Variants in PPP6R3 observed in about 807,000 individuals in gnomAD.
PPP6R3 encodes the protein protein phosphatase 6 regulatory subunit 3.
PPP6R3 carries 38 observed loss-of-function variants against 110.7 expected under a neutral mutation model. The observed-to-expected ratio is 0.34, with a 90% CI of 0.26 to 0.45. The LOEUF is 0.45. Ranked by LOEUF, PPP6R3 falls within the 20% of genes least tolerant of loss-of-function variation. The pLI, the probability that PPP6R3 is intolerant of heterozygous loss-of-function variation, is 1.00. For missense variants in PPP6R3, 870 were observed against 1,062.4 expected (o/e 0.82, Z 2.52); for synonymous variants, 369 against 373.5 (o/e 0.99, Z 0.14).
intron 6 of PPP6R3, among the ~76,000 whole-genome samples, chr11:68,553,456 G>A (rs576322626): frequency 1.3e-5 from 2 of 152,068 alleles, no homozygotes; most frequent in Admixed American, 1.3e-4. Flanking sequence ...ACCACGCCTG[G>A]CTAATTTTGT....
At chr11:68,595,558 A>C (rs540031150) in intron 18 of PPP6R3, among the ~76,000 whole-genome samples, 1 of 152,298 alleles carries the variant, frequency 6.6e-6, no homozygotes, top group East Asian at 1.9e-4. Flanking sequence ...TCAAAATTTA[A>C]AATTTTCACT....
chr11:68,541,338 C>T (rs766008026), intron 3 of PPP6R3, among the ~76,000 whole-genome samples: 17 of 152,128 alleles, frequency 1.1e-4, no homozygotes, highest in Non-Finnish European at 2.2e-4. Context: ...CAGTTGGCTG[C>T]AGTGATCAGC....
At chr11:68,482,745 C>T (rs2098923429) in intron 1 of PPP6R3, among the ~76,000 whole-genome samples, 1 of 151,924 alleles carries the variant, frequency 6.6e-6, no homozygotes, top group Admixed American at 6.6e-5. Context: ...TTCTGATCAC[C>T]TTTTCCAAAT....
intron 1 of PPP6R3, among the ~76,000 whole-genome samples, chr11:68,467,779 T>G (rs76612662): frequency 0.014 from 2,076 of 152,256 alleles, 57 homozygotes; most frequent in African/African-American, 0.047. Context: ...TATTTTCTAT[T>G]TATTTATTTT....
rs957682982 is a variant in PPP6R3 at position 68,519,491 on chromosome 11, T to C, written c.-157-10T>C. ...ATATGTGATTATCTGCTTTTTTTTT[T>C]CTTTTACAGGAGAGCTTGTTTCATA... On this transcript the variant is annotated splice_polypyrimidine_tract_variant and intron_variant, in intron 1 of 23. Transcript: ENST00000393800. The C allele has an allele frequency of 2.5e-6, 1 of 397,720 alleles. No homozygotes were observed. Among genetic ancestry groups the C allele is most frequent in the African/African-American group, 2.1e-5 (1 of 48,620 alleles). 24.6% of individuals were successfully genotyped at this position (397,720 alleles called of 1,614,324 possible).
At chr11:68,482,101 G>A (rs763691522) in intron 1 of PPP6R3, among the ~76,000 whole-genome samples, 13 of 151,600 alleles carry the variant, frequency 8.6e-5, no homozygotes, top group Non-Finnish European at 1.2e-4. Context: ...TATCCCGGCC[G>A]GGTGCAGTGG....
intron 4 of PPP6R3, among the ~76,000 whole-genome samples, chr11:68,545,523 G>T (rs1217253828): frequency 6.6e-6 from 1 of 152,236 alleles, no homozygotes; most frequent in Non-Finnish European, 1.5e-5. Context: ...AGACATCTGA[G>T]TGTATAGACT....
At position 68,482,097 on chromosome 11, in the gene PPP6R3, G is replaced by A. The variant is rs575543650; in HGVS notation, c.-158+21270G>A. ...ATGAGAATCATACTAAAATTATCCC[G>A]GCCGGGTGCAGTGGCTCATGCCTGT... On this transcript the variant is annotated intron_variant, in intron 1 of 23. Transcript: ENST00000393800. 7.9e-5 allele frequency among the ~76,000 whole-genome samples: 12 copies of A among 151,570 alleles called. No homozygotes were observed. In the South Asian group the frequency reaches 1.3e-3, roughly 16 times the overall value.
intron 18 of PPP6R3, among the ~76,000 whole-genome samples, chr11:68,591,982 A>C (rs926811148): frequency 6.6e-6 from 1 of 152,238 alleles, no homozygotes; most frequent in African/African-American, 2.4e-5. Context: ...GTAGTCACAT[A>C]GTGCCTTTTA....
At chr11:68,571,443 C>G (rs1239626354) in intron 12 of PPP6R3, among the ~76,000 whole-genome samples, 1 of 152,146 alleles carries the variant, frequency 6.6e-6, no homozygotes, top group East Asian at 1.9e-4. Flanking sequence ...GTGTATTTGT[C>G]CTGGTCACCT....
intron 14 of PPP6R3, among the ~76,000 whole-genome samples, chr11:68,580,503 G>A (rs750218622): frequency 1.3e-5 from 2 of 152,032 alleles, no homozygotes; most frequent in African/African-American, 4.8e-5. Flanking sequence ...TTGGTGAAGG[G>A]CGATGGGTCT....
chr11:68,548,563 C>T (rs2099358256), intron 5 of PPP6R3, among the ~76,000 whole-genome samples: 1 of 151,978 alleles, frequency 6.6e-6, no homozygotes, highest in African/African-American at 2.4e-5. Context: ...AGCTCTAAGT[C>T]CCATTTGAGT....
Position 68,595,279 on chromosome 11 carries a change from G to C in PPP6R3, c.1917-818G>C, listed in dbSNP as rs145488059. The stretch of plus-strand genomic sequence containing the variant: ...TGTCCAGGCTGGAGTGCAGTGGCGT[G>C]ATCTCAGCTCACTGCAGCCTCTGCC... On this transcript the variant is annotated intron_variant, in intron 18 of 23. Transcript: ENST00000393800. 8.6e-3 allele frequency among the ~76,000 whole-genome samples: 1,158 copies of C among 134,606 alleles called. 17 individuals are homozygous for C. The highest frequency in any genetic ancestry group is 7.8e-3 in the Non-Finnish European group (507 of 65,348). 88.3% of individuals were successfully genotyped at this position (134,606 alleles called of 152,430 possible).
chr11:68,468,061 A>T (rs2098761113), intron 1 of PPP6R3, among the ~76,000 whole-genome samples: 1 of 152,224 alleles, frequency 6.6e-6, no homozygotes, highest in South Asian at 2.1e-4. Flanking sequence ...GGCATGAGCC[A>T]CCACGCCCAG....
intron 1 of PPP6R3, among the ~76,000 whole-genome samples, chr11:68,495,702 G>A (rs749515919): frequency 6.6e-6 from 1 of 152,124 alleles, no homozygotes; most frequent in African/African-American, 2.4e-5. Flanking sequence ...TCATTATGTG[G>A]GGAATATTAC....
At chr11:68,548,690 A>G (rs576165176) in intron 5 of PPP6R3, among the ~76,000 whole-genome samples, 9 of 152,298 alleles carry the variant, frequency 5.9e-5, no homozygotes, top group Admixed American at 5.2e-4. Context: ...CAGAGGAGCA[A>G]AGGATAAGGA....
In PPP6R3 at chr11:68,603,369, G is replaced by T; in HGVS notation, c.2327G>T (p.Ser776Ile). The change falls in exon 22 of 24, where the codon AGC (serine) becomes ATC (isoleucine). Residue 776 changes from serine to isoleucine, a missense_variant. Ser to Ile is a moderately radical substitution (Grantham distance 142). Transcript: ENST00000393800. The part of the protein sequence containing the change: ...EAAGSVAMEA[S>I]SDGEEDAEST... The stretch of plus-strand genomic sequence containing the variant: ...GCAGGCAGTGTGGCCATGGAAGCCA[G>T]CTCTGACGGAGAGGAGGATGCAGAA... 1 of 1,614,044 alleles carries T rather than the reference G, an allele frequency of 6.2e-7. No individual in the cohort carries two copies. Among genetic ancestry groups the T allele is most frequent in the East Asian group, 2.2e-5 (1 of 44,864 alleles).
At chr11:68,496,109 C>T (rs1182390877) in intron 1 of PPP6R3, among the ~76,000 whole-genome samples, 2 of 152,082 alleles carry the variant, frequency 1.3e-5, no homozygotes, top group African/African-American at 2.4e-5. Context: ...CCCACCTCCG[C>T]CCCCCAAGTT....
chr11:68,550,946 A>G lies in PPP6R3; in HGVS notation c.553-175A>G, dbSNP rs60021832. 375 of 553,856 alleles carry G rather than the reference A, an allele frequency of 6.8e-4. 4 individuals are homozygous for G. The East Asian group carries it at 0.011, about 16-fold the overall frequency. 34.3% of individuals were successfully genotyped at this position (553,856 alleles called of 1,614,324 possible). On this transcript the variant is annotated intron_variant, in intron 5 of 23. Coordinates refer to ENST00000393800, the MANE Select transcript of PPP6R3 (RefSeq NM_001164161.2). ...TACTGTTGGCCATTGTTAAAACAATATATTCACTGGCATTTTCCTTGGGGG... is the reference window on the plus strand; with the variant it reads ...TACTGTTGGCCATTGTTAAAACAATGTATTCACTGGCATTTTCCTTGGGGG...
Sources: allele counts gnomAD v4.1 joint callset (sites outside exome capture counted in the v4.1 genomes callset), GRCh38; gene constraint gnomAD v4.1.1; transcripts MANE v1.5; gene names NCBI Gene and HGNC (gene_info 2026-07-23, HGNC 2026-07-21).